The following ZNF318 variants were observed in gnomAD, a reference collection of about 807,000 sequenced individuals.
The protein encoded by ZNF318 is zinc finger protein 318, also known as endocrine regulator.
Under a neutral mutation model 124.2 loss-of-function variants are expected in ZNF318, and 51 were observed. The observed-to-expected ratio is 0.41, with a 90% CI of 0.33 to 0.52. The LOEUF (loss-of-function observed/expected upper bound fraction) is 0.52, where lower values mean the gene tolerates loss of function less well. Among genes scored for constraint, ZNF318 ranks in the 20% least tolerant of loss-of-function variants. The probability of loss-of-function intolerance (pLI) is 0.23; values close to 1 mark genes in which losing one functional copy is unlikely to be tolerated. For missense variants in ZNF318, 2,815 were observed against 2,811.2 expected, an observed-to-expected ratio of 1.00 and a Z score of -0.03; for synonymous variants, 1,090 against 1,040.7, an observed-to-expected ratio of 1.05 and a Z score of -0.91.
At chr6:43,365,642 A>T (rs570916887) in intron 1 of ZNF318, among the ~76,000 whole-genome samples, 16 of 152,142 alleles carry the variant, frequency 1.1e-4, no homozygotes, top group Non-Finnish European at 1.9e-4. Flanking sequence ...TATAAAAAAA[A>T]GTTTAAAATT....
In ZNF318 at chr6:43,355,992, C is replaced by T. The variant is rs150187256; in HGVS notation, c.1342G>A (p.Gly448Ser). 5.0e-6 allele frequency: 8 copies of T among 1,614,170 alleles called. No homozygotes were observed. The highest frequency in any genetic ancestry group is 2.2e-5 in the East Asian group (1 of 44,880). The change falls in exon 4 of 10, where the codon GGC (glycine) becomes AGC (serine). Residue 448 changes from glycine to serine, a missense_variant. Coordinates refer to ENST00000361428, the MANE Select transcript of ZNF318 (RefSeq NM_014345.3). ...AGGGGACCCCATTGGTAGAGGTTGC[C>T]CTGAGGTTCCTTCAAGGCAGTCTCT... ...MVETALKEPQGNLYQWGPLPG... is the reference protein window; with the variant it reads ...MVETALKEPQSNLYQWGPLPG...
At position 43,340,005 on chromosome 6, in the gene ZNF318, T is replaced by C. The variant is rs766325840; in HGVS notation, c.3993A>G (p.Ala1331=). The C allele has an allele frequency of 1.9e-6, 3 of 1,614,124 alleles. No homozygotes were observed. The highest frequency in any genetic ancestry group is 1.3e-5 in the African/African-American group (1 of 74,940). The change falls in exon 10 of 10, where the codon GCA becomes GCG. Residue 1331 remains alanine (A), a synonymous_variant. Transcript: ENST00000361428. ...KIKLSGKTVV[A]HTSPWMPVVT... ...CAACAGGCATCCAAGGGCTGGTATG[T>C]GCAACAACAGTTTTCCCAGAGAGCT...
chr6:43,344,824 T>G (rs999811129), intron 6 of ZNF318, among the ~76,000 whole-genome samples: 4 of 151,562 alleles, frequency 2.6e-5, no homozygotes, highest in African/African-American at 9.7e-5. Flanking sequence ...TGTATGTATT[T>G]GGAATAACAT....
intron 8 of ZNF318, among the ~76,000 whole-genome samples, 161 bp downstream of exon 8, chr6:43,341,951 C>G (rs1278445774): frequency 6.6e-6 from 1 of 152,158 alleles, no homozygotes; most frequent in African/African-American, 2.4e-5. Flanking sequence ...TTTATAGCTT[C>G]AGGACCTAGT....
At chr6:43,363,563 G>T in intron 2 of ZNF318, 1 of 293,646 alleles carries the variant, frequency 3.4e-6, no homozygotes, top group Non-Finnish European at 6.3e-6. Flanking sequence ...TGAGGCCACG[G>T]AGCTCGTGGA....
chr6:43,340,576 T>C (rs1779361155), intron 9 of ZNF318, 74 bp from the exon 10 acceptor site: 4 of 1,499,092 alleles, frequency 2.7e-6, no homozygotes, highest in Non-Finnish European at 1.8e-6. Flanking sequence ...CCGCTACTGT[T>C]AGAATTCATT....
intron 8 of ZNF318, among the ~76,000 whole-genome samples, chr6:43,341,341 T>C (rs1163937807): frequency 6.6e-6 from 1 of 152,184 alleles, no homozygotes; most frequent in Non-Finnish European, 1.5e-5. Context: ...CACTAGCTAC[T>C]TGTGAAGGTA....
At position 43,344,408 on chromosome 6, in the gene ZNF318, G is replaced by A. The variant is rs142391162; in HGVS notation, c.3073-1529C>T. ...TGATTTGATTGGTTAAATAAATTTTGCTTAACCATGCAACCAAAACAACAA... is the reference window on the plus strand; with the variant it reads ...TGATTTGATTGGTTAAATAAATTTTACTTAACCATGCAACCAAAACAACAA... On this transcript the variant is annotated intron_variant, in intron 6 of 9. Coordinates refer to ENST00000361428, the MANE Select transcript of ZNF318 (RefSeq NM_014345.3). Among the ~76,000 whole-genome samples the A allele has an allele frequency of 6.0e-4, 92 of 152,154 alleles. 1 individual carries two copies. The highest frequency in any genetic ancestry group is 2.1e-3 in the African/African-American group (88 of 41,526).
Position 43,339,909 on chromosome 6 carries a change from A to C in ZNF318, c.4089T>G (p.Cys1363Trp), listed in dbSNP as rs148758834. The C allele has an allele frequency of 3.7e-5, 60 of 1,614,060 alleles. No homozygotes were observed. The African/African-American group carries it at 7.3e-4, about 20-fold the overall frequency. Reference protein sequence around the residue: ...PIPSTVLRKSCSATMSKPAPL... With the variant: ...PIPSTVLRKSWSATMSKPAPL... The stretch of plus-strand genomic sequence containing the variant: ...GAGCTGGCTTGCTCATTGTGGCTGA[A>C]CATGACTTGCGGAGTACTGTGGATG... The change falls in exon 10 of 10, where the codon TGT becomes TGG. Residue 1363 changes from cysteine to tryptophan, a missense_variant. By Grantham distance (215) the Cys-to-Trp change is radical (BLOSUM62 -2). Around this residue, in one of 4 missense-constraint regions of ZNF318, gnomAD observed 500 missense variants for 605.2 expected, o/e 0.83. Transcript: ENST00000361428. This position sits in a 1 kb window ranked among gnomAD's most constrained non-coding sequence, Gnocchi z 4.2.
At chr6:43,344,661 A>T (rs1779414103) in intron 6 of ZNF318, among the ~76,000 whole-genome samples, 1 of 151,908 alleles carries the variant, frequency 6.6e-6, no homozygotes, top group Non-Finnish European at 1.5e-5. Context: ...ACATGGACTT[A>T]TTTATTTATC....
At position 43,336,722 on chromosome 6, in the gene ZNF318, T is replaced by A. The variant is rs1347524238; in HGVS notation, c.*436A>T. ...TTCTGGTGTTTTTCCCAGAGATGCA[T>A]CAACTGCCCAGGAAATTGGGTAGGA... On this transcript the variant is annotated 3_prime_UTR_variant, in exon 10 of 10. Transcript: ENST00000361428. 1 of 152,604 alleles carries A rather than the reference T, an allele frequency of 6.6e-6. No homozygotes were observed. The highest frequency in any genetic ancestry group is 2.4e-5 in the African/African-American group (1 of 41,424). 9.5% of individuals were successfully genotyped at this position (152,604 alleles called of 1,614,324 possible).
Position 43,369,047 on chromosome 6 carries a change from TG to T in ZNF318, c.318del (p.Phe106LeufsTer43). The T allele has an allele frequency of 7.3e-7, 1 of 1,375,042 alleles. No individual in the cohort carries two copies. Among genetic ancestry groups the T allele is most frequent in the Middle Eastern group, 2.6e-4 (1 of 3,858 alleles). 85.2% of individuals were successfully genotyped at this position (1,375,042 alleles called of 1,614,324 possible). On this transcript the variant is annotated frameshift_variant, in exon 1 of 10. Coordinates refer to ENST00000361428, the MANE Select transcript of ZNF318 (RefSeq NM_014345.3). LOFTEE classifies it high-confidence loss of function. ...CGGGACTCCCCCCGGCTGCTGCCTC[TG>T]AAGCCGGCCGGGCCCGGCGGGAAGA... is the stretch of plus-strand genomic sequence containing the variant. ...RRLFPPGPAG[F>X]RGSSRGESRA...
rs950360886 is a variant in ZNF318, at chr6:43,337,428, T to C, written c.6570A>G (p.Pro2190=). ...TAGAAGGGTCACCTGGCTCAGAGAG[T>C]GGAGAACACAGTTTATCTTTTTGAA... ...SGVQKDKLCS[P]LSEPGDPSKC... is the part of the protein sequence containing the mutation. The change falls in exon 10 of 10, where the codon CCA becomes CCG. Residue 2190 remains proline, a synonymous_variant. Transcript: ENST00000361428. 3 of 1,613,934 alleles carry C rather than the reference T, an allele frequency of 1.9e-6. No homozygotes were observed. In the African/African-American group the frequency reaches 4.0e-5, roughly 22 times the overall value.
rs780344460 is a variant in ZNF318, at chr6:43,357,131, T to C, written c.1183A>G (p.Met395Val). ...ACAAGAAATGCAGCAGAGACCTGCA[T>C]GGAGGGCTCCATTATGTCCACCTCA... ...RIEVDIMEPS[M>V]QLESFSSSTS... Residue 395 changes from methionine to valine, a missense_variant, in exon 3 of 10, where the codon ATG becomes GTG. Physicochemically the swap from Met to Val is conservative, Grantham distance 21. Around this residue, in one of 4 missense-constraint regions of ZNF318, gnomAD observed 1,377 missense variants for 1,353.5 expected, o/e 1.02. Transcript: ENST00000361428. 5 of 1,610,298 alleles carry C rather than the reference T, an allele frequency of 3.1e-6. No individual in the cohort carries two copies. The highest frequency in any genetic ancestry group is 1.1e-5 in the South Asian group (1 of 90,488).
chr6:43,358,414 ATTTT>A (rs71547834), intron 2 of ZNF318, among the ~76,000 whole-genome samples: 3 of 124,782 alleles, frequency 2.4e-5, no homozygotes, highest in Non-Finnish European at 3.3e-5. Flanking sequence ...CACCCGGCTA[ATTTT>A]TTTTTTTTTT....
At chr6:43,349,871 T>A (rs972674027) in intron 5 of ZNF318, among the ~76,000 whole-genome samples, 2 of 151,270 alleles carry the variant, frequency 1.3e-5, no homozygotes, top group African/African-American at 4.9e-5. Context: ...ATCATTTGAG[T>A]CCAGAAATTC....
intron 1 of ZNF318, among the ~76,000 whole-genome samples, chr6:43,368,393 T>A (rs1779789189): frequency 2.0e-5 from 3 of 152,210 alleles, no homozygotes; most frequent in Non-Finnish European, 4.4e-5. Context: ...TAGGCATAAT[T>A]CCTGACATAG....
chr6:43,350,821 A>T (rs544836053), intron 5 of ZNF318, among the ~76,000 whole-genome samples: 30 of 152,300 alleles, frequency 2.0e-4, no homozygotes, highest in Non-Finnish European at 3.4e-4. Flanking sequence ...CTCAAAAAAA[A>T]TTTTTAAATA....
At chr6:43,353,101 T>C (rs1012336248) in intron 4 of ZNF318, among the ~76,000 whole-genome samples, 3 of 152,214 alleles carry the variant, frequency 2.0e-5, no homozygotes, top group East Asian at 1.9e-4. Flanking sequence ...GTGTCTATAA[T>C]AGACCTATGT....
Sources: gnomAD v4.1 joint callset for allele counts (sites outside exome capture counted in the v4.1 genomes callset) on GRCh38, gnomAD v4.1.1 for gene constraint, gnomAD v4.1.1 regional missense constraint, Gnocchi (gnomAD v3.1) non-coding constraint, MANE v1.5 for transcripts, NCBI Gene and HGNC (gene_info 2026-07-23, HGNC 2026-07-21) for gene names.